FTO: variants seen among roughly 807,000 people sequenced by gnomAD.
The protein encoded by FTO is alpha-ketoglutarate-dependent dioxygenase FTO.
In FTO, 47 loss-of-function variants were observed where a neutral mutation model predicts 63.9. That is an observed-to-expected ratio of 0.74 (90% confidence interval 0.58 to 0.94). The LOEUF is 0.94. Ranked by LOEUF, FTO falls within the 40% of genes least tolerant of loss-of-function variation. FTO has a pLI of 0.00. For missense variants in FTO, 562 were observed against 618.1 expected, an observed-to-expected ratio of 0.91 and a Z score of 0.96; for synonymous variants, 207 against 224.4, an observed-to-expected ratio of 0.92 and a Z score of 0.69.
At chr16:53,884,385 C>T (rs1369421015) in intron 6 of FTO, among the ~76,000 whole-genome samples, 1 of 152,138 alleles carries the variant, frequency 6.6e-6, no homozygotes, top group Non-Finnish European at 1.5e-5. Context: ...TCTGATCAGA[C>T]CTGTGGCTTC....
chr16:53,914,904 T>C (rs2081822309), intron 7 of FTO, among the ~76,000 whole-genome samples: 1 of 152,206 alleles, frequency 6.6e-6, no homozygotes, highest in South Asian at 2.1e-4. Flanking sequence ...GGTCAAATGC[T>C]TAACCCTTCT....
At chr16:54,011,680 A>G (rs527627882) in intron 8 of FTO, among the ~76,000 whole-genome samples, 1 of 152,336 alleles carries the variant, frequency 6.6e-6, no homozygotes, top group African/African-American at 2.4e-5. Flanking sequence ...CAATCTTTCA[A>G]AAGTATTTAT....
At chr16:53,958,423 C>T (rs528343606) in intron 8 of FTO, among the ~76,000 whole-genome samples, 10 of 152,182 alleles carry the variant, frequency 6.6e-5, no homozygotes, top group African/African-American at 1.2e-4. Context: ...AGCTGGCGGC[C>T]GGCTTTTACA....
intron 1 of FTO, among the ~76,000 whole-genome samples, chr16:53,760,260 G>GTGTT (rs1555629201): frequency 1.4e-5 from 2 of 140,686 alleles, no homozygotes; most frequent in Non-Finnish European, 3.1e-5. Context: ...GTGTGTGTGT[G>GTGTT]TTTTTTGGAG....
At chr16:53,740,853 GA>G (rs2076513466) in intron 1 of FTO, among the ~76,000 whole-genome samples, 1 of 152,276 alleles carries the variant, frequency 6.6e-6, no homozygotes, top group East Asian at 1.9e-4. Flanking sequence ...AGACAAGGCT[GA>G]AAGGTTTAAA....
intron 8 of FTO, among the ~76,000 whole-genome samples, chr16:53,949,466 C>T (rs907477871): frequency 3.9e-5 from 6 of 152,254 alleles, no homozygotes; most frequent in African/African-American, 1.4e-4. Flanking sequence ...TCAGCTGTTA[C>T]GCATGTGTAG....
At chr16:53,803,033 A>T (rs544990627) in intron 1 of FTO, among the ~76,000 whole-genome samples, 1 of 152,218 alleles carries the variant, frequency 6.6e-6, no homozygotes, top group Admixed American at 6.5e-5. Flanking sequence ...ACCAGTTTCA[A>T]TTAGTTGATT....
rs572507597 is a variant in FTO at position 53,803,774 on chromosome 16, A to ATTTT, written c.46-6365_46-6362dup. Among the ~76,000 whole-genome samples the ATTTT allele has an allele frequency of 2.5e-3, 385 of 152,244 alleles. 1 individual carries two copies. The highest frequency in any genetic ancestry group is 0.01 in the Middle Eastern group (3 of 294). ...TCTTTATATGTTCTAAAATTATGCAATTTTGTCATATTAAAAAGTAGGTGA... is the reference window on the plus strand; with the variant it reads ...TCTTTATATGTTCTAAAATTATGCAATTTTTTTTGTCATATTAAAAAGTAGGTGA... On this transcript the variant is annotated intron_variant, in intron 1 of 8. Transcript: ENST00000471389.
At chr16:53,979,269 G>T (rs1281919738) in intron 8 of FTO, 6 of 395,570 alleles carry the variant, frequency 1.5e-5, no homozygotes, top group African/African-American at 1.2e-4. Flanking sequence ...GAATTACTAG[G>T]TAAAGGAGAG....
At chr16:53,949,231 A>T (rs1014926760) in intron 8 of FTO, among the ~76,000 whole-genome samples, 6 of 152,180 alleles carry the variant, frequency 3.9e-5, no homozygotes, top group Non-Finnish European at 1.5e-5. Flanking sequence ...CCATGGGGGA[A>T]CCCAGCTGTT....
chr16:53,780,348 G>A (rs28623715), intron 1 of FTO, among the ~76,000 whole-genome samples: 28 of 152,214 alleles, frequency 1.8e-4, no homozygotes, highest in African/African-American at 6.3e-4. Context: ...CTTGTGATTT[G>A]TGTCTTGCCT....
rs1178960387 is a variant in FTO at position 53,825,858 on chromosome 16, T to G, written c.124-6T>G. The G allele has an allele frequency of 6.2e-7, 1 of 1,612,914 alleles. No individual in the cohort carries two copies. Among genetic ancestry groups the G allele is most frequent in the Admixed American group, 1.7e-5 (1 of 60,002 alleles). ...AACGTCTGTTTTTGCTTTGGTTTTG[T>G]TTTAGTGGCAGCTGAAATATCCTAA... On this transcript the variant is annotated splice_polypyrimidine_tract_variant and splice_region_variant and intron_variant, in intron 2 of 8. Coordinates refer to ENST00000471389, the MANE Select transcript of FTO (RefSeq NM_001080432.3).
intron 1 of FTO, among the ~76,000 whole-genome samples, chr16:53,801,861 G>A (rs1208911631): frequency 1.3e-5 from 2 of 152,096 alleles, no homozygotes; most frequent in East Asian, 3.9e-4. Context: ...CCAGGTTCAA[G>A]TGATTATTGT....
intron 8 of FTO, among the ~76,000 whole-genome samples, chr16:53,975,736 T>C (rs1352711791): frequency 6.6e-6 from 1 of 152,150 alleles, no homozygotes; most frequent in Non-Finnish European, 1.5e-5. Flanking sequence ...GATTGGACCA[T>C]ATAAAATTAC....
intron 6 of FTO, among the ~76,000 whole-genome samples, chr16:53,883,747 G>T (rs1288959979): frequency 6.6e-6 from 1 of 152,006 alleles, no homozygotes; most frequent in Non-Finnish European, 1.5e-5. Flanking sequence ...CGGCCCCCTG[G>T]GGTTGAATAG....
intron 8 of FTO, among the ~76,000 whole-genome samples, chr16:54,030,871 A>G (rs560473161): frequency 8.5e-5 from 13 of 152,338 alleles, no homozygotes; most frequent in African/African-American, 2.2e-4. Context: ...GATTCCCTTT[A>G]GAACAAAAAC....
At position 53,983,821 on chromosome 16, in the gene FTO, G is replaced by A. The variant is rs186239134; in HGVS notation, c.1364+49712G>A. The stretch of plus-strand genomic sequence containing the variant: ...AGAATATGGGCCCACTGTTGTGTAC[G>A]GCTCAGGGTTTTTGTTTTCTGTTTT... On this transcript the variant is annotated intron_variant, in intron 8 of 8. Transcript: ENST00000471389. Among the ~76,000 whole-genome samples the A allele has an allele frequency of 9.8e-5, 15 of 152,290 alleles. No individual in the cohort carries two copies. The East Asian group carries it at 1.9e-3, about 20-fold the overall frequency.
At chr16:54,085,137 A>G (rs1230197725) in intron 8 of FTO, among the ~76,000 whole-genome samples, 3 of 152,198 alleles carry the variant, frequency 2.0e-5, no homozygotes, top group Non-Finnish European at 4.4e-5. Flanking sequence ...TGATGTGTTA[A>G]ATTTCCTACT....
chr16:53,867,760 GC>G (rs1486439386), intron 4 of FTO, among the ~76,000 whole-genome samples: 10 of 152,040 alleles, frequency 6.6e-5, no homozygotes, highest in African/African-American at 2.4e-4. Flanking sequence ...ATGATTTTCT[GC>G]CTGCTGTATC....
Sources: gnomAD v4.1 joint callset for allele counts (sites outside exome capture counted in the v4.1 genomes callset) on GRCh38, gnomAD v4.1.1 for gene constraint, MANE v1.5 for transcripts, NCBI Gene and HGNC (gene_info 2026-07-23, HGNC 2026-07-21) for gene names.